The following MSI2 variants were observed in gnomAD, a reference collection of about 807,000 sequenced individuals.
The protein encoded by MSI2 is RNA-binding protein Musashi homolog 2.
In MSI2, 17 loss-of-function variants were observed where a neutral mutation model predicts 45.6. The ratio of observed to expected loss-of-function variants is 0.37; its 90% confidence interval spans 0.26 to 0.56. MSI2 has a LOEUF of 0.56. MSI2 is among the 20% of genes least tolerant of loss of function. The pLI, the probability that MSI2 is intolerant of heterozygous loss-of-function variation, is 0.77. For missense variants in MSI2, 293 were observed against 444.2 expected (o/e 0.66, Z 3.06); for synonymous variants, 156 against 158.2 (o/e 0.99, Z 0.11).
At chr17:57,313,183 C>CT (rs1567751301) in intron 5 of MSI2, among the ~76,000 whole-genome samples, 1 of 152,150 alleles carries the variant, frequency 6.6e-6, no homozygotes, top group Non-Finnish European at 1.5e-5. Context: ...ACTTTCTCTG[C>CT]TTGCCTTAGG....
chr17:57,471,384 G>T (rs929734096), intron 6 of MSI2, among the ~76,000 whole-genome samples: 1 of 145,632 alleles, frequency 6.9e-6, no homozygotes, highest in East Asian at 2.0e-4. Flanking sequence ...TCCGCCTCCT[G>T]GGTTCAAGCC....
At position 57,684,199 on chromosome 17, in the gene MSI2, T is replaced by G. The variant is rs1038154325; in HGVS notation, c.*4682T>G. ...ATTCTGTACATAATGTACCATCCCA[T>G]GTGGAATCTGTGAGTGTCCTCTTAA... is the stretch of plus-strand genomic sequence containing the variant. On this transcript the variant is annotated 3_prime_UTR_variant, in exon 14 of 14. Transcript: ENST00000284073. 1 of 211,974 alleles carries G rather than the reference T, an allele frequency of 4.7e-6. No homozygotes were observed. The highest frequency in any genetic ancestry group is 9.6e-6 in the Non-Finnish European group (1 of 104,556). 13.1% of individuals were successfully genotyped at this position (211,974 alleles called of 1,614,324 possible).
intron 10 of MSI2, chr17:57,631,760 TG>T (rs745694141): frequency 1.3e-6 from 2 of 1,573,392 alleles, no homozygotes; most frequent in African/African-American, 2.7e-5. Flanking sequence ...CAGTTTAATC[TG>T]TTAATTTCTG....
intron 6 of MSI2, among the ~76,000 whole-genome samples, chr17:57,458,893 G>A (rs2143604206): frequency 6.6e-6 from 1 of 152,296 alleles, no homozygotes; most frequent in Non-Finnish European, 1.5e-5. Context: ...GCGGTTGCTG[G>A]GCACCTGGCG....
chr17:57,270,423 A>G (rs1428759130), intron 5 of MSI2, among the ~76,000 whole-genome samples: 3 of 152,232 alleles, frequency 2.0e-5, no homozygotes, highest in Non-Finnish European at 4.4e-5. Context: ...GCTGCATCCA[A>G]CATGAGTGGG....
rs544324295 is a variant in MSI2 at position 57,371,389 on chromosome 17, T to C, written c.313-29990T>C. Among the ~76,000 whole-genome samples, 34 of 152,246 alleles carry C rather than the reference T, an allele frequency of 2.2e-4. 1 individual carries two copies. The South Asian group carries it at 2.3e-3, about 10-fold the overall frequency. On this transcript the variant is annotated intron_variant, in intron 5 of 13. Coordinates refer to ENST00000284073, the MANE Select transcript of MSI2 (RefSeq NM_138962.4). ...GCCATGTTCCTCCAATCACAAACACTTGGGAAAATTTTGGAAAACTGCAAG... is the reference window on the plus strand; with the variant it reads ...GCCATGTTCCTCCAATCACAAACACCTGGGAAAATTTTGGAAAACTGCAAG...
chr17:57,301,493 C>T (rs1335341177), intron 5 of MSI2, among the ~76,000 whole-genome samples: 1 of 152,234 alleles, frequency 6.6e-6, no homozygotes, highest in Non-Finnish European at 1.5e-5. Context: ...TTACCAATAC[C>T]TTTGATACCC....
rs543026782 is a variant in MSI2 at position 57,312,954 on chromosome 17, C to G, written c.312+50762C>G. 5.9e-5 allele frequency among the ~76,000 whole-genome samples: 9 copies of G among 152,304 alleles called. 1 individual carries two copies. In the South Asian group the frequency reaches 1.7e-3, roughly 28 times the overall value. On this transcript the variant is annotated intron_variant, in intron 5 of 13. Transcript: ENST00000284073. ...CTCAGCCTCCTGGGTTCAAGCGATT[C>G]TCCTGCCTCAGCCTCCCGAGTAGCT...
chr17:57,679,929 A>G lies in MSI2; in HGVS notation c.*412A>G, dbSNP rs1913499134. ...CTAACCATAGTATAATTGTTATATT[A>G]AGGAGTTATTTTTTCTTAAAACATT... is the stretch of plus-strand genomic sequence containing the variant. On this transcript the variant is annotated 3_prime_UTR_variant, in exon 14 of 14. Transcript: ENST00000284073. 1 of 221,478 alleles carries G rather than the reference A, an allele frequency of 4.5e-6. No homozygotes were observed. Among genetic ancestry groups the G allele is most frequent in the Non-Finnish European group, 8.8e-6 (1 of 113,974 alleles). The allele number at this position is 221,478 out of a possible 1,614,324, so 13.7% of individuals were successfully genotyped here. A position where few individuals can be genotyped will look rare whatever the true frequency, so the allele number is the denominator to read the frequency against.
intron 10 of MSI2, among the ~76,000 whole-genome samples, chr17:57,639,707 G>A (rs1280636268): frequency 6.6e-6 from 1 of 152,156 alleles, no homozygotes; most frequent in Non-Finnish European, 1.5e-5. Flanking sequence ...CCCAGGGCAC[G>A]CCTGGTTTTG....
upstream of MSI2, chr17:57,256,507 G>A: frequency 3.4e-6 from 1 of 291,962 alleles, no homozygotes; most frequent in Admixed American, 5.3e-5. Context: ...GGCCGGGGGG[G>A]CGGGGACGGG....
intron 6 of MSI2, among the ~76,000 whole-genome samples, chr17:57,415,133 C>T (rs946064050): frequency 6.6e-6 from 1 of 152,084 alleles, no homozygotes; most frequent in African/African-American, 2.4e-5. Context: ...TATGGATCCT[C>T]TGGGCACCAG....
chr17:57,446,196 A>G (rs1311781323), intron 6 of MSI2, among the ~76,000 whole-genome samples: 1 of 152,134 alleles, frequency 6.6e-6, no homozygotes, highest in Non-Finnish European at 1.5e-5. Flanking sequence ...GCCTTCAGAG[A>G]GGCATCTCTG....
At chr17:57,672,541 A>G (rs1453144346) in intron 11 of MSI2, among the ~76,000 whole-genome samples, 1 of 152,072 alleles carries the variant, frequency 6.6e-6, no homozygotes, top group Admixed American at 6.5e-5. Context: ...AAGAAACGGA[A>G]ACCTAAACCT....
chr17:57,601,808 C>T (rs895917390), intron 8 of MSI2: 2 of 152,202 alleles, frequency 1.3e-5, no homozygotes, highest in African/African-American at 2.4e-5. Context: ...GCTTTACGTG[C>T]GTGCTGTCTC....
chr17:57,608,166 GCCA>G (rs1326485819), intron 8 of MSI2: 1 of 152,616 alleles, frequency 6.6e-6, no homozygotes, highest in East Asian at 1.9e-4. Flanking sequence ...CAGCACAGCT[GCCA>G]GGATTTACAG....
chr17:57,562,556 A>G (rs2087604636), intron 7 of MSI2, among the ~76,000 whole-genome samples: 1 of 152,204 alleles, frequency 6.6e-6, no homozygotes, highest in Non-Finnish European at 1.5e-5. Flanking sequence ...TCTCCAGCAG[A>G]ATGCACCCAC....
chr17:57,318,985 C>T (rs1466395134), intron 5 of MSI2, among the ~76,000 whole-genome samples: 2 of 152,182 alleles, frequency 1.3e-5, no homozygotes, highest in Non-Finnish European at 2.9e-5. Context: ...AGCCCAGGCC[C>T]CCTGCCTTTA....
chr17:57,545,035 G>A (rs1290514535), intron 7 of MSI2, among the ~76,000 whole-genome samples: 1 of 152,162 alleles, frequency 6.6e-6, no homozygotes, highest in Non-Finnish European at 1.5e-5. Flanking sequence ...TAAAATCTTG[G>A]CTGGCAGCCA....
Sources: allele counts gnomAD v4.1 joint callset (sites outside exome capture counted in the v4.1 genomes callset), GRCh38; gene constraint gnomAD v4.1.1; transcripts MANE v1.5; gene names NCBI Gene and HGNC (gene_info 2026-07-23, HGNC 2026-07-21).